ANKRD31: variants seen among roughly 807,000 people sequenced by gnomAD.
ANKRD31 encodes the protein ankyrin repeat domain 31.
In ANKRD31, 147 loss-of-function variants were observed where a neutral mutation model predicts 186.0. That is an observed-to-expected ratio of 0.79 (90% confidence interval 0.69 to 0.91). The LOEUF is 0.91. Among genes scored for constraint, ANKRD31 ranks in the 40% least tolerant of loss-of-function variants. The pLI is 0.00. For synonymous variants in ANKRD31, 673 were observed against 736.4 expected (o/e 0.91, Z 1.39); for missense variants, 1,986 against 2,148.8 (o/e 0.92, Z 1.50).
intron 5 of ANKRD31, among the ~76,000 whole-genome samples, chr5:75,200,771 G>C (rs867411828): frequency 6.6e-6 from 1 of 151,530 alleles, no homozygotes; most frequent in Non-Finnish European, 1.5e-5. Flanking sequence ...AAATTAGCCA[G>C]CATGGTGGCA....
Position 75,147,045 on chromosome 5 carries a change from G to A in ANKRD31, c.2366C>T (p.Ser789Leu). The A allele has an allele frequency of 6.5e-7, 1 of 1,536,330 alleles. No individual in the cohort carries two copies. The highest frequency in any genetic ancestry group is 8.7e-7 in the Non-Finnish European group (1 of 1,146,300). ...ELCEPSSLTL[S>L]SLRNGLDSST... Reference sequence around the variant, plus strand: ...GCTATCTAATCCATTTCTCAGGCTTGACAGAGTTAAGCTGGAAGGTTCACA... The same window carrying A: ...GCTATCTAATCCATTTCTCAGGCTTAACAGAGTTAAGCTGGAAGGTTCACA... The change falls in exon 14 of 26, where the codon TCA becomes TTA. Residue 789 changes from serine (S) to leucine (L), a missense_variant. Physicochemically the swap from Ser to Leu is moderately radical, Grantham distance 145. Coordinates refer to ENST00000506364, the MANE Select transcript of ANKRD31 (RefSeq NM_001372053.1).
At chr5:75,118,332 C>T (rs1447234607) in intron 17 of ANKRD31, 35 bp from the exon 18 acceptor site, 4 of 1,349,426 alleles carry the variant, frequency 3.0e-6, no homozygotes, top group Non-Finnish European at 2.9e-6. Context: ...TCTCTACAGA[C>T]ACCAAAGATG....
intron 17 of ANKRD31, among the ~76,000 whole-genome samples, chr5:75,132,417 G>A (rs1420221187): frequency 2.0e-5 from 3 of 152,204 alleles, no homozygotes; most frequent in Non-Finnish European, 4.4e-5. Context: ...AAGGGTATCA[G>A]TGATTGAAGA....
At chr5:75,173,363 G>A (rs1379200064) in intron 10 of ANKRD31, among the ~76,000 whole-genome samples, 2 of 152,090 alleles carry the variant, frequency 1.3e-5, no homozygotes, top group Admixed American at 1.3e-4. Context: ...ATTCAACATA[G>A]TGTTGGAAAT....
intron 17 of ANKRD31, 128 bp from the exon 18 acceptor site, chr5:75,118,425 AT>A: frequency 3.2e-6 from 3 of 935,544 alleles, no homozygotes; most frequent in Non-Finnish European, 4.5e-6. Context: ...GGTCAAGAAA[AT>A]TTTTTATTAA....
intron 17 of ANKRD31, among the ~76,000 whole-genome samples, chr5:75,119,803 G>A (rs1748603689): frequency 1.3e-5 from 2 of 152,178 alleles, no homozygotes; most frequent in African/African-American, 2.4e-5. Flanking sequence ...GGTGCGAGAT[G>A]ATATCTCATT....
At chr5:75,230,080 T>C (rs914129487) in intron 2 of ANKRD31, among the ~76,000 whole-genome samples, 21 of 151,956 alleles carry the variant, frequency 1.4e-4, no homozygotes, top group Admixed American at 2.0e-4. Flanking sequence ...TGTGTGTGTG[T>C]GCGCGCGTGT....
At chr5:75,214,396 T>C (rs1756836642) in intron 3 of ANKRD31, among the ~76,000 whole-genome samples, 1 of 152,220 alleles carries the variant, frequency 6.6e-6, no homozygotes, top group South Asian at 2.1e-4. Flanking sequence ...AGGAAAAGTA[T>C]ACCATTGGCA....
At chr5:75,068,794 C>T in intron 25 of ANKRD31, 130 bp from the exon 26 acceptor site, 1 of 921,398 alleles carries the variant, frequency 1.1e-6, no homozygotes, top group East Asian at 3.1e-5. Context: ...TGATCAGGAC[C>T]TTTTCCCTCA....
chr5:75,109,972 T>A (rs1362954180), intron 20 of ANKRD31, among the ~76,000 whole-genome samples: 1 of 151,852 alleles, frequency 6.6e-6, no homozygotes, highest in Non-Finnish European at 1.5e-5. Context: ...AGAGACTGAG[T>A]TTTAAACACC....
At position 75,169,063 on chromosome 5, in the gene ANKRD31, T is replaced by C. The variant is rs1025442898; in HGVS notation, c.1623A>G (p.Leu541=). The change falls in exon 11 of 26, where the codon CTA becomes CTG. Residue 541 remains leucine, a synonymous_variant. Coordinates refer to ENST00000506364, the MANE Select transcript of ANKRD31 (RefSeq NM_001372053.1). ...VGGFYRTASE[L]LKGGADVNIK... ...TATTTACATCTGCTCCACCTTTTAA[T>C]AGTTCACTTGCTGTCCGATAAAATC... 5 of 1,537,006 alleles carry C rather than the reference T, an allele frequency of 3.3e-6. No homozygotes were observed. The highest frequency in any genetic ancestry group is 3.9e-5 in the Admixed American group (2 of 50,986).
intron 12 of ANKRD31, among the ~76,000 whole-genome samples, chr5:75,150,581 G>C (rs1205895745): frequency 6.6e-6 from 1 of 151,910 alleles, no homozygotes; most frequent in African/African-American, 2.4e-5. Flanking sequence ...CTCTCACAAA[G>C]GAAGAGTGGG....
chr5:75,118,174 C>CA lies in ANKRD31; in HGVS notation c.3999dup (p.Glu1334Ter), dbSNP rs1273256796. On this transcript the variant is annotated frameshift_variant, in exon 18 of 26. Coordinates refer to ENST00000506364, the MANE Select transcript of ANKRD31 (RefSeq NM_001372053.1). LOFTEE classifies it high-confidence loss of function. ...TCACTCTCATCTCTATTAACAGTCT[C>CA]AATAGCACCATAAGATCTTAGTAAT... 4.6e-6 allele frequency: 7 copies of CA among 1,521,074 alleles called. No individual in the cohort carries two copies. The highest frequency in any genetic ancestry group is 6.1e-6 in the Non-Finnish European group (7 of 1,141,822). The allele number at this position is 1,521,074 out of a possible 1,614,324, so 94.2% of individuals were successfully genotyped here.
chr5:75,163,907 T>C (rs1752745568), intron 11 of ANKRD31, among the ~76,000 whole-genome samples: 1 of 152,224 alleles, frequency 6.6e-6, no homozygotes, highest in Non-Finnish European at 1.5e-5. Context: ...CTTTAAAATA[T>C]GTCTGTAAAT....
chr5:75,152,036 G>C (rs1226089299), intron 12 of ANKRD31, among the ~76,000 whole-genome samples: 4 of 152,022 alleles, frequency 2.6e-5, no homozygotes, highest in Non-Finnish European at 5.9e-5. Context: ...GTGGGTTAGA[G>C]AGCATCTGTT....
At chr5:75,179,717 T>C (rs1754127407) in intron 10 of ANKRD31, among the ~76,000 whole-genome samples, 1 of 152,170 alleles carries the variant, frequency 6.6e-6, no homozygotes, top group Non-Finnish European at 1.5e-5. Flanking sequence ...AAATTAGGTA[T>C]TGATGGGACA....
chr5:75,122,728 A>T (rs1748900801), intron 17 of ANKRD31, among the ~76,000 whole-genome samples: 1 of 152,202 alleles, frequency 6.6e-6, no homozygotes, highest in Admixed American at 6.5e-5. Context: ...ATAAAATTGA[A>T]CATCCCCTCA....
intron 3 of ANKRD31, among the ~76,000 whole-genome samples, chr5:75,219,271 G>T (rs1757145414): frequency 6.6e-6 from 1 of 152,184 alleles, no homozygotes; most frequent in African/African-American, 2.4e-5. Context: ...TCCTTGAGCT[G>T]ATAAGCAACT....
intron 3 of ANKRD31, among the ~76,000 whole-genome samples, chr5:75,211,592 C>A (rs1222714726): frequency 6.6e-6 from 1 of 152,166 alleles, no homozygotes; most frequent in African/African-American, 2.4e-5. Flanking sequence ...GCAGTTGCAT[C>A]ATTTTACATT....
Sources: gnomAD v4.1 joint callset for allele counts (sites outside exome capture counted in the v4.1 genomes callset) on GRCh38, gnomAD v4.1.1 for gene constraint, MANE v1.5 for transcripts, NCBI Gene and HGNC (gene_info 2026-07-23, HGNC 2026-07-21) for gene names.